Variants in CCSER1 observed in about 807,000 individuals in gnomAD.
The protein encoded by CCSER1 is coiled-coil serine rich protein 1, also known as serine-rich coiled-coil domain-containing protein 1.
Under a neutral mutation model 82.0 loss-of-function variants are expected in CCSER1, and 41 were observed. That is an observed-to-expected ratio of 0.50 (90% CI 0.39 to 0.65). The LOEUF is 0.65. CCSER1 is among the 30% of genes least tolerant of loss of function. CCSER1 has a pLI of 0.00. For missense variants in CCSER1, 1,119 were observed against 1,064.2 expected, an observed-to-expected ratio of 1.05 and a Z score of -0.72; for synonymous variants, 414 against 383.9, an observed-to-expected ratio of 1.08 and a Z score of -0.92.
chr4:90,661,777 T>TA lies in CCSER1; in HGVS notation c.1932+33552dup, dbSNP rs200356594. The stretch of plus-strand genomic sequence containing the variant: ...GATTTTATACACTGTTTTTGTTCTT[T>TA]AAAAAAACCCAGTGTTTAGTAACAT... On this transcript the variant is annotated intron_variant, in intron 6 of 10. Transcript: ENST00000509176. 4.8e-3 allele frequency among the ~76,000 whole-genome samples: 728 copies of TA among 152,062 alleles called. 5 individuals are homozygous for TA. Among genetic ancestry groups the TA allele is most frequent in the African/African-American group, 0.016 (667 of 41,490 alleles).
intron 10 of CCSER1, among the ~76,000 whole-genome samples, chr4:91,241,740 T>C (rs1739385362): frequency 6.6e-6 from 1 of 152,194 alleles, no homozygotes; most frequent in Non-Finnish European, 1.5e-5. Context: ...TAAAATTTTA[T>C]TTACACATTA....
At chr4:91,596,693 C>T (rs1286134887) in intron 10 of CCSER1, among the ~76,000 whole-genome samples, 1 of 152,082 alleles carries the variant, frequency 6.6e-6, no homozygotes, top group African/African-American at 2.4e-5. Context: ...AAGTCTGAGG[C>T]ATCTCTTGTG....
intron 9 of CCSER1, among the ~76,000 whole-genome samples, chr4:91,023,092 C>A (rs1740155685): frequency 6.6e-6 from 1 of 152,134 alleles, no homozygotes; most frequent in Non-Finnish European, 1.5e-5. Context: ...AGGAATCCAA[C>A]TTACAAGGGA....
chr4:90,541,841 A>G (rs1442675498), intron 5 of CCSER1, among the ~76,000 whole-genome samples: 4 of 152,042 alleles, frequency 2.6e-5, no homozygotes, highest in East Asian at 3.9e-4. Context: ...CTGTCATCCT[A>G]CTGCCACAAA....
chr4:90,696,545 G>A (rs1737022211), intron 6 of CCSER1, among the ~76,000 whole-genome samples: 2 of 152,030 alleles, frequency 1.3e-5, no homozygotes, highest in Non-Finnish European at 2.9e-5. Context: ...ATTGAATAAC[G>A]ATGGTAATTT....
rs139102645 is a variant in CCSER1, at chr4:90,565,333, A to G, written c.1725-62692A>G. 3.8e-3 allele frequency among the ~76,000 whole-genome samples: 575 copies of G among 152,224 alleles called. 4 individuals are homozygous for G. Among genetic ancestry groups the G allele is most frequent in the African/African-American group, 0.013 (548 of 41,554 alleles). On this transcript the variant is annotated intron_variant, in intron 5 of 10. Transcript: ENST00000509176. ...TATTTTGCTGTTAGTGCATAAAAAT[A>G]GTACTGATTTTTGTATGTTGATTTT...
At chr4:91,116,959 A>G (rs556238673) in intron 10 of CCSER1, among the ~76,000 whole-genome samples, 5 of 152,144 alleles carry the variant, frequency 3.3e-5, no homozygotes, top group Non-Finnish European at 7.4e-5. Context: ...TCAAATTTTT[A>G]TATTTGTTTG....
chr4:90,749,470 G>A (rs1297355527), intron 7 of CCSER1, among the ~76,000 whole-genome samples: 26 of 152,102 alleles, frequency 1.7e-4, no homozygotes, highest in African/African-American at 2.7e-4. Context: ...GTCAGGTAGC[G>A]TGATGCCTCT....
intron 10 of CCSER1, among the ~76,000 whole-genome samples, chr4:91,302,178 G>A (rs917483789): frequency 2.6e-5 from 4 of 151,908 alleles, no homozygotes; most frequent in Admixed American, 2.6e-4. Context: ...TTTGCATTTA[G>A]ATGCAATCAT....
chr4:91,202,027 A>G (rs1183424908), intron 10 of CCSER1, among the ~76,000 whole-genome samples: 1 of 152,012 alleles, frequency 6.6e-6, no homozygotes, highest in Non-Finnish European at 1.5e-5. Flanking sequence ...CACAGTTCCA[A>G]TGCTATTCCA....
chr4:91,158,135 T>C (rs1183571210), intron 10 of CCSER1, among the ~76,000 whole-genome samples: 1 of 152,016 alleles, frequency 6.6e-6, no homozygotes, highest in African/African-American at 2.4e-5. Context: ...GCATCAGTAT[T>C]GAATGCTTCT....
At chr4:91,592,346 C>T (rs1764307713) in intron 10 of CCSER1, among the ~76,000 whole-genome samples, 1 of 152,076 alleles carries the variant, frequency 6.6e-6, no homozygotes, top group Non-Finnish European at 1.5e-5. Context: ...TCTCCCATGA[C>T]ATGTGGGGAT....
intron 5 of CCSER1, among the ~76,000 whole-genome samples, chr4:90,475,799 G>C (rs1196336405): frequency 6.6e-6 from 1 of 152,160 alleles, no homozygotes; most frequent in African/African-American, 2.4e-5. Context: ...CCCAGAAGGA[G>C]ACCTTTGAAA....
In CCSER1 at chr4:90,196,013, A is replaced by G. The variant is rs373120518; in HGVS notation, c.-42+68182A>G. The stretch of plus-strand genomic sequence containing the variant: ...ATCTTTTCCTTTGTTCTCGTATGCT[A>G]ACAAAACCCAGATATTGTTCAGGGT... On this transcript the variant is annotated intron_variant, in intron 1 of 10. Coordinates refer to ENST00000509176, the MANE Select transcript of CCSER1 (RefSeq NM_001145065.2). Among the ~76,000 whole-genome samples, 82 of 152,068 alleles carry G rather than the reference A, an allele frequency of 5.4e-4. 1 individual carries two copies. In the East Asian group the frequency reaches 0.012, roughly 22 times the overall value.
chr4:90,978,348 A>G (rs1735796520), intron 9 of CCSER1, among the ~76,000 whole-genome samples: 1 of 151,688 alleles, frequency 6.6e-6, no homozygotes, highest in South Asian at 2.1e-4. Context: ...TGTTGAATGT[A>G]TGGAAAGCAC....
chr4:90,372,756 C>G (rs182427544), intron 3 of CCSER1, among the ~76,000 whole-genome samples: 1 of 149,552 alleles, frequency 6.7e-6, no homozygotes, highest in Admixed American at 6.7e-5. Context: ...TCTGAAAAAA[C>G]GTATAAAAAA....
intron 1 of CCSER1, among the ~76,000 whole-genome samples, chr4:90,145,705 G>A (rs571048130): frequency 5.3e-5 from 8 of 152,172 alleles, no homozygotes; most frequent in South Asian, 2.1e-4. Flanking sequence ...TATCTGTGAA[G>A]TGTTTTGTAA....
chr4:90,810,590 A>C (rs1353495724), intron 7 of CCSER1, among the ~76,000 whole-genome samples: 1 of 151,792 alleles, frequency 6.6e-6, no homozygotes, highest in Non-Finnish European at 1.5e-5. Context: ...TGTTGCGGTG[A>C]GCCGAGATTG....
intron 6 of CCSER1, among the ~76,000 whole-genome samples, chr4:90,632,596 G>T (rs1465651831): frequency 6.6e-6 from 1 of 152,040 alleles, no homozygotes; most frequent in Non-Finnish European, 1.5e-5. Context: ...ATGAGTAATG[G>T]GTAGGCATTG....
Sources: gnomAD v4.1 joint callset for allele counts (sites outside exome capture counted in the v4.1 genomes callset) on GRCh38, gnomAD v4.1.1 for gene constraint, MANE v1.5 for transcripts, NCBI Gene and HGNC (gene_info 2026-07-23, HGNC 2026-07-21) for gene names.